The following GRIP1 variants were observed in gnomAD, a reference collection of about 807,000 sequenced individuals.
GRIP1 encodes the protein glutamate receptor-interacting protein 1.
Under a neutral mutation model 129.9 loss-of-function variants are expected in GRIP1, and 45 were observed. That is an observed-to-expected ratio of 0.35 (90% confidence interval 0.27 to 0.44). The LOEUF (loss-of-function observed/expected upper bound fraction) is 0.44, where lower values mean the gene tolerates loss of function less well. Ranked by LOEUF, GRIP1 falls within the 20% of genes least tolerant of loss-of-function variation. The pLI, the probability that GRIP1 is intolerant of heterozygous loss-of-function variation, is 1.00. For synonymous variants in GRIP1, 530 were observed against 520.8 expected, an observed-to-expected ratio of 1.02 and a Z score of -0.24; for missense variants, 1,196 against 1,396.8, an observed-to-expected ratio of 0.86 and a Z score of 2.29.
At chr12:66,895,159 T>G (rs1461987219) in intron 1 of GRIP1, among the ~76,000 whole-genome samples, 1 of 152,168 alleles carries the variant, frequency 6.6e-6, no homozygotes, top group Non-Finnish European at 1.5e-5. Flanking sequence ...TTTGATATGG[T>G]TTGGCTGTGT....
chr12:66,584,314 G>T (rs1439828072), intron 2 of GRIP1, among the ~76,000 whole-genome samples: 1 of 151,876 alleles, frequency 6.6e-6, no homozygotes, highest in Non-Finnish European at 1.5e-5. Context: ...GCTAGATGAC[G>T]AGTTAGTGGG....
At chr12:67,027,374 C>A (rs1162028549) in intron 1 of GRIP1, among the ~76,000 whole-genome samples, 1 of 152,188 alleles carries the variant, frequency 6.6e-6, no homozygotes, top group Non-Finnish European at 1.5e-5. Context: ...GTTAGAGGTA[C>A]CTTACGTAGC....
intron 1 of GRIP1, among the ~76,000 whole-genome samples, chr12:66,721,830 C>T (rs918669998): frequency 5.3e-5 from 8 of 152,228 alleles, no homozygotes; most frequent in African/African-American, 1.9e-4. Flanking sequence ...CACATCAGCA[C>T]TTGCTGCTTC....
intron 16 of GRIP1, among the ~76,000 whole-genome samples, chr12:66,401,609 T>TATATATATATATACACACACACAC (rs1169241331): frequency 9.1e-6 from 1 of 110,176 alleles, no homozygotes; most frequent in African/African-American, 3.7e-5. Context: ...TATATATATA[T>TATATATATATATACACACACACAC]ACACACACAC....
chr12:67,039,665 T>G (rs1275732373), intron 1 of GRIP1, among the ~76,000 whole-genome samples: 1 of 152,180 alleles, frequency 6.6e-6, no homozygotes, highest in Non-Finnish European at 1.5e-5. Flanking sequence ...TAAAGACACC[T>G]ACTCAGAACC....
At position 66,732,025 on chromosome 12, in the gene GRIP1, T is replaced by C. The variant is rs1269603967; in HGVS notation, c.-420+72028A>G. Among the ~76,000 whole-genome samples the C allele has an allele frequency of 2.0e-5, 3 of 152,224 alleles. No individual in the cohort carries two copies. The East Asian group carries it at 5.8e-4, about 29-fold the overall frequency. On this transcript the variant is annotated intron_variant, in intron 1 of 4. Coordinates refer to the GRIP1 transcript ENST00000538373. Reference sequence around the variant, plus strand: ...TCTTCTAAGTTGGTACCCAAAGCCTTGTATCCAAATGCCTCTATATCAAAT... The same window carrying C: ...TCTTCTAAGTTGGTACCCAAAGCCTCGTATCCAAATGCCTCTATATCAAAT...
intron 1 of GRIP1, among the ~76,000 whole-genome samples, chr12:66,940,773 T>G (rs988435286): frequency 2.6e-5 from 4 of 152,190 alleles, no homozygotes; most frequent in Non-Finnish European, 5.9e-5. Context: ...CTTATCAGCA[T>G]GAGTAATGGT....
At chr12:66,745,035 C>G (rs1043859135) in intron 1 of GRIP1, among the ~76,000 whole-genome samples, 1 of 152,110 alleles carries the variant, frequency 6.6e-6, no homozygotes, top group African/African-American at 2.4e-5. Context: ...ACATTTTACA[C>G]GTCACCTGAT....
At chr12:66,641,397 G>A (rs148952774) in intron 1 of GRIP1, among the ~76,000 whole-genome samples, 32 of 152,260 alleles carry the variant, frequency 2.1e-4, no homozygotes, top group African/African-American at 7.0e-4. Context: ...GGGGAGGAAG[G>A]GGTGGGCCTG....
At chr12:66,986,943 A>C (rs1228032357) in intron 1 of GRIP1, among the ~76,000 whole-genome samples, 13 of 152,274 alleles carry the variant, frequency 8.5e-5, no homozygotes, top group Middle Eastern at 3.4e-3. Flanking sequence ...AGAAGCTCAG[A>C]GACATCATAT....
chr12:66,989,869 C>T (rs1171932241), intron 1 of GRIP1, among the ~76,000 whole-genome samples: 1 of 152,088 alleles, frequency 6.6e-6, no homozygotes, highest in Non-Finnish European at 1.5e-5. Context: ...TTGACTGCTG[C>T]AAAGTGAGAG....
intron 1 of GRIP1, among the ~76,000 whole-genome samples, chr12:66,926,490 C>G (rs1417526987): frequency 6.6e-6 from 1 of 152,180 alleles, no homozygotes; most frequent in African/African-American, 2.4e-5. Flanking sequence ...AGTTCTGCCT[C>G]CATCATTTAC....
intron 1 of GRIP1, among the ~76,000 whole-genome samples, chr12:66,986,657 A>G (rs2042316240): frequency 7.7e-6 from 1 of 129,042 alleles, no homozygotes; most frequent in African/African-American, 2.9e-5. Flanking sequence ...GAAGGGGAAC[A>G]TCACACTCTG....
chr12:66,388,701 T>C (rs115044408), intron 19 of GRIP1, among the ~76,000 whole-genome samples: 2,965 of 152,336 alleles, frequency 0.019, 104 homozygotes, highest in African/African-American at 0.068. Context: ...AATCAGCCCC[T>C]TGTGGGACTT....
Position 66,353,504 on chromosome 12 carries a change from T to C in GRIP1, c.3072A>G (p.Leu1024=). The C allele has an allele frequency of 6.2e-7, 1 of 1,613,252 alleles. No homozygotes were observed. The highest frequency in any genetic ancestry group is 8.5e-7 in the Non-Finnish European group (1 of 1,179,230). Residue 1024 remains leucine (L), a synonymous_variant, in exon 24 of 25, where the codon TTA becomes TTG. Transcript: ENST00000359742. ...EDFGFSVADG[L]LEKGVYVKNI... The stretch of plus-strand genomic sequence containing the variant: ...TTTTGACATACACTCCTTTCTCCAG[T>C]AAGCCATCTGCTACACTGAACCCAA...
chr12:66,729,951 A>T (rs2036381074), intron 1 of GRIP1, among the ~76,000 whole-genome samples: 1 of 152,196 alleles, frequency 6.6e-6, no homozygotes, highest in African/African-American at 2.4e-5. Context: ...TATCTTAAGG[A>T]AAATTGTATG....
At chr12:66,847,222 T>C (rs2137067251) in intron 1 of GRIP1, among the ~76,000 whole-genome samples, 1 of 152,272 alleles carries the variant, frequency 6.6e-6, no homozygotes, top group South Asian at 2.1e-4. Flanking sequence ...CACTGTCAAC[T>C]CCTTCACCCC....
At chr12:66,657,240 A>G (rs2033212448) in intron 1 of GRIP1, among the ~76,000 whole-genome samples, 1 of 152,090 alleles carries the variant, frequency 6.6e-6, no homozygotes, top group East Asian at 1.9e-4. Context: ...AAGGAAGATG[A>G]TGATGAGAAG....
intron 7 of GRIP1, among the ~76,000 whole-genome samples, chr12:66,514,426 A>C (rs751150128): frequency 6.6e-5 from 10 of 152,166 alleles, no homozygotes; most frequent in Non-Finnish European, 1.2e-4. Flanking sequence ...GGGAAATCAA[A>C]TCATGTGCTC....
Sources: allele counts gnomAD v4.1 joint callset (sites outside exome capture counted in the v4.1 genomes callset), GRCh38; gene constraint gnomAD v4.1.1; transcripts MANE v1.5; gene names NCBI Gene and HGNC (gene_info 2026-07-23, HGNC 2026-07-21).